The following VWDE variants were observed in gnomAD, a reference collection of about 807,000 sequenced individuals.
VWDE encodes von Willebrand factor D and EGF domain-containing protein.
Under a neutral mutation model 178.4 loss-of-function variants are expected in VWDE, and 207 were observed. The ratio of observed to expected loss-of-function variants is 1.16; its 90% CI spans 1.04 to 1.30. The LOEUF (loss-of-function observed/expected upper bound fraction) is 1.30, where lower values mean the gene tolerates loss of function less well. Among genes scored for constraint, VWDE ranks in the 50% most tolerant of loss-of-function variants. VWDE has a pLI of 0.00. For synonymous variants in VWDE, 738 were observed against 651.4 expected (o/e 1.13, Z -2.02); for missense variants, 2,287 against 1,901.3 (o/e 1.20, Z -3.77).
At chr7:12,387,450 A>T (rs1583344062) in intron 3 of VWDE, among the ~76,000 whole-genome samples, 1 of 152,042 alleles carries the variant, frequency 6.6e-6, no homozygotes, top group Non-Finnish European at 1.5e-5. Context: ...ATTTAAAGGA[A>T]TCAATTTTTC....
chr7:12,349,804 C>T (rs867846164), intron 19 of VWDE, among the ~76,000 whole-genome samples: 9 of 151,832 alleles, frequency 5.9e-5, no homozygotes, highest in African/African-American at 1.7e-4. Flanking sequence ...TGGAAAGATA[C>T]AACTAAACAA....
At chr7:12,360,516 C>T (rs1388055239) in intron 15 of VWDE, among the ~76,000 whole-genome samples, 4 of 152,082 alleles carry the variant, frequency 2.6e-5, no homozygotes, top group African/African-American at 9.7e-5. Flanking sequence ...AAAAATAATA[C>T]TTTAAAATTT....
chr7:12,380,821 T>A (rs6959370), intron 4 of VWDE, 88 bp from the exon 5 acceptor site: 2 of 1,424,346 alleles, frequency 1.4e-6, no homozygotes, highest in Non-Finnish European at 1.9e-6. Flanking sequence ...TATAACTCTG[T>A]GGTTTATCTT....
Position 12,393,512 on chromosome 7 carries a change from T to C in VWDE, c.243+82A>G, listed in dbSNP as rs570064392. The stretch of plus-strand genomic sequence containing the variant: ...TAAAACAACATTTTAGCATGAGAAA[T>C]AAGCTGGTGGTAAAAAGATACAATT... On this transcript the variant is annotated intron_variant, in intron 2 of 28. Coordinates refer to ENST00000275358, the MANE Select transcript of VWDE (RefSeq NM_001135924.3). 11 of 1,194,722 alleles carry C rather than the reference T, an allele frequency of 9.2e-6. No homozygotes were observed. In the South Asian group the frequency reaches 1.1e-4, roughly 12 times the overall value. The allele number at this position is 1,194,722 out of a possible 1,614,324, so 74.0% of individuals were successfully genotyped here.
At position 12,367,416 on chromosome 7, in the gene VWDE, C is replaced by T; in HGVS notation, c.2839G>A (p.Val947Ile). The T allele has an allele frequency of 6.5e-7, 1 of 1,546,308 alleles. No homozygotes were observed. The highest frequency in any genetic ancestry group is 8.7e-7 in the Non-Finnish European group (1 of 1,144,160). Residue 947 changes from valine (V) to isoleucine (I), a missense_variant, in exon 13 of 29, where the codon GTT (valine) becomes ATT (isoleucine). Val to Ile is a conservative substitution (Grantham distance 29, BLOSUM62 3). Transcript: ENST00000275358. ...VQKYNCMMVRVFGKGFKELPS... is the reference protein window; with the variant it reads ...VQKYNCMMVRIFGKGFKELPS... ...AATTCTTTGAAGCCTTTGCCAAAAA[C>T]TCTCACCATCATACAATTATATTTT...
intron 1 of VWDE, among the ~76,000 whole-genome samples, chr7:12,400,553 G>A (rs1026986473): frequency 4.6e-5 from 7 of 152,034 alleles, no homozygotes; most frequent in African/African-American, 1.7e-4. Flanking sequence ...TATCAAATCA[G>A]TCAAAAAACT....
At chr7:12,397,166 T>C (rs1784670590) in intron 1 of VWDE, among the ~76,000 whole-genome samples, 1 of 152,212 alleles carries the variant, frequency 6.6e-6, no homozygotes, top group East Asian at 1.9e-4. Flanking sequence ...CCCAACTTCA[T>C]ACTATATTAT....
At chr7:12,354,459 C>T in intron 18 of VWDE, 1 of 399,016 alleles carries the variant, frequency 2.5e-6, no homozygotes, top group Non-Finnish European at 4.9e-6. Flanking sequence ...TGGAGTCACA[C>T]TCATCAACAT....
Position 12,393,646 on chromosome 7 carries a change from T to C in VWDE, c.191A>G (p.Tyr64Cys), listed in dbSNP as rs968795162. The change falls in exon 2 of 29, where the codon TAT (tyrosine) becomes TGT (cysteine). Residue 64 changes from tyrosine (Y) to cysteine (C), a missense_variant. Physicochemically the swap from Tyr to Cys is radical, Grantham distance 194 (BLOSUM62 -2). Coordinates refer to ENST00000275358, the MANE Select transcript of VWDE (RefSeq NM_001135924.3). ...ICDHSLSPGWYRFLILDRPAE... is the reference protein window; with the variant it reads ...ICDHSLSPGWCRFLILDRPAE... ...AGGTCTGTCAAGGATGAGAAATCTA[T>C]ACCATCCAGGGGAGAGGGAATGGTC... is the stretch of plus-strand genomic sequence containing the variant. 1.7e-5 allele frequency: 27 copies of C among 1,551,012 alleles called. No homozygotes were observed. In the Middle Eastern group the frequency reaches 5.0e-4, roughly 29 times the overall value.
At chr7:12,363,131 A>ATT (rs1402577985) in intron 13 of VWDE, among the ~76,000 whole-genome samples, 1 of 152,118 alleles carries the variant, frequency 6.6e-6, no homozygotes, top group Non-Finnish European at 1.5e-5. Flanking sequence ...GCATTAAAAG[A>ATT]GACTCAAATA....
intron 1 of VWDE, among the ~76,000 whole-genome samples, chr7:12,402,742 T>A (rs1276295879): frequency 6.6e-6 from 1 of 152,198 alleles, no homozygotes; most frequent in Non-Finnish European, 1.5e-5. Flanking sequence ...TTTAGTATTT[T>A]ATTTTTAAGT....
chr7:12,403,611 C>G, intron 1 of VWDE, 48 bp downstream of exon 1: 4 of 1,518,430 alleles, frequency 2.6e-6, no homozygotes, highest in Non-Finnish European at 3.5e-6. Flanking sequence ...CTCTACCGCC[C>G]ACGCGGCGCC....
chr7:12,342,400 C>T (rs1781382401), intron 22 of VWDE, among the ~76,000 whole-genome samples: 1 of 151,982 alleles, frequency 6.6e-6, no homozygotes, highest in South Asian at 2.1e-4. Context: ...ATAAACAAGA[C>T]TTGGCTATTT....
Position 12,333,452 on chromosome 7 carries a change from A to G in VWDE, c.4758+13T>C. ...ATGTCTAATATTTATTTTCTCTTTA[A>G]ACTCTGAAATACCTGTATTTTCTTC... On this transcript the variant is annotated intron_variant, in intron 28 of 28. Coordinates refer to ENST00000275358, the MANE Select transcript of VWDE (RefSeq NM_001135924.3). The G allele has an allele frequency of 6.7e-7, 1 of 1,491,374 alleles. No individual in the cohort carries two copies. The highest frequency in any genetic ancestry group is 1.4e-5 in the African/African-American group (1 of 71,574). 92.4% of individuals were successfully genotyped at this position (1,491,374 alleles called of 1,614,324 possible). A position where few individuals can be genotyped will look rare whatever the true frequency, so the allele number is the denominator to read the frequency against.
intron 17 of VWDE, 149 bp from the exon 18 acceptor site, chr7:12,356,479 A>G: frequency 9.3e-6 from 6 of 646,468 alleles, no homozygotes; most frequent in Non-Finnish European, 1.6e-5. Context: ...CACAAATGTA[A>G]TATAAAATTG....
At chr7:12,356,903 C>G (rs753073477) in intron 17 of VWDE, among the ~76,000 whole-genome samples, 1 of 152,174 alleles carries the variant, frequency 6.6e-6, no homozygotes, top group Non-Finnish European at 1.5e-5. Context: ...ATCTTGATTT[C>G]TAATTCAACA....
chr7:12,357,925 T>G (rs1348726506), intron 16 of VWDE, among the ~76,000 whole-genome samples: 1 of 152,102 alleles, frequency 6.6e-6, no homozygotes, highest in African/African-American at 2.4e-5. Flanking sequence ...CCTTTCTCTA[T>G]TCCTCCCTCA....
At chr7:12,355,930 A>G (rs1483059664) in intron 18 of VWDE, among the ~76,000 whole-genome samples, 181 bp downstream of exon 18, 4 of 152,208 alleles carry the variant, frequency 2.6e-5, no homozygotes, top group Non-Finnish European at 5.9e-5. Context: ...GTAATAGTGC[A>G]TGGAACTTGC....
chr7:12,361,430 T>G lies in VWDE; in HGVS notation c.2990A>C (p.Asp997Ala). 6.4e-7 allele frequency: 1 copy of G among 1,551,220 alleles called. No homozygotes were observed. Among genetic ancestry groups the G allele is most frequent in the Non-Finnish European group, 8.7e-7 (1 of 1,146,662 alleles). The change falls in exon 14 of 29, where the codon GAT (aspartate) becomes GCT (alanine). Residue 997 changes from aspartate to alanine, a missense_variant. Asp to Ala is a moderately radical substitution (Grantham distance 126, BLOSUM62 -2). Transcript: ENST00000275358. ...SRAVDCQLPT[D>A]VQQFDTMDLV... ...ATCCATGGTATCAAACTGCTGAACATCAGTGGGCAGCTGACAATCAACAGC... is the reference window on the plus strand; with the variant it reads ...ATCCATGGTATCAAACTGCTGAACAGCAGTGGGCAGCTGACAATCAACAGC...
Sources: allele counts gnomAD v4.1 joint callset (sites outside exome capture counted in the v4.1 genomes callset), GRCh38; gene constraint gnomAD v4.1.1; transcripts MANE v1.5; gene names NCBI Gene and HGNC (gene_info 2026-07-23, HGNC 2026-07-21).